Variants in DAPK2 observed in about 807,000 individuals in gnomAD.
DAPK2 encodes death-associated protein kinase 2.
DAPK2 carries 35 observed loss-of-function variants against 44.1 expected under a neutral mutation model. That is an observed-to-expected ratio of 0.79 (90% CI 0.61 to 1.05). The LOEUF is 1.05. Ranked by LOEUF, DAPK2 falls within the 50% of genes least tolerant of loss-of-function variation. The pLI is 0.00. For missense variants in DAPK2, 453 were observed against 483.2 expected, an observed-to-expected ratio of 0.94 and a Z score of 0.59; for synonymous variants, 174 against 182.6, an observed-to-expected ratio of 0.95 and a Z score of 0.38.
At chr15:63,993,622 C>G (rs771831030) in intron 1 of DAPK2, among the ~76,000 whole-genome samples, 1 of 151,902 alleles carries the variant, frequency 6.6e-6, no homozygotes, top group Non-Finnish European at 1.5e-5. Context: ...TGAAAATGCC[C>G]AAGATTGCTT....
At position 63,936,330 on chromosome 15, in the gene DAPK2, C is replaced by T. The variant is rs533761027; in HGVS notation, c.583+2902G>A. Among the ~76,000 whole-genome samples the T allele has an allele frequency of 5.3e-5, 8 of 152,172 alleles. No individual in the cohort carries two copies. In the South Asian group the frequency reaches 8.3e-4, roughly 16 times the overall value. ...GTTTAAAGATTTCTCTGGCCAGGAG[C>T]GGTGGCTCGCTGGCTCACGTCGGTA... On this transcript the variant is annotated intron_variant, in intron 4 of 10. Transcript: ENST00000261891.
intron 1 of DAPK2, among the ~76,000 whole-genome samples, chr15:64,039,812 G>A (rs981076361): frequency 1.3e-5 from 2 of 152,132 alleles, no homozygotes; most frequent in Non-Finnish European, 2.9e-5. Flanking sequence ...GGGAACCATG[G>A]AGAATCCCAA....
At chr15:64,014,782 T>C (rs1177861641) in intron 1 of DAPK2, among the ~76,000 whole-genome samples, 8 of 152,124 alleles carry the variant, frequency 5.3e-5, no homozygotes, top group Non-Finnish European at 8.8e-5. Flanking sequence ...TAGCTGGGCA[T>C]GGTGGTGGGC....
intron 1 of DAPK2, among the ~76,000 whole-genome samples, chr15:64,005,336 T>C (rs2079196665): frequency 6.6e-6 from 1 of 150,652 alleles, no homozygotes; most frequent in Non-Finnish European, 1.5e-5. Flanking sequence ...GTGTGTGAGG[T>C]TGTGTGTTTG....
rs796214666 is a variant in DAPK2, at chr15:64,013,229, T to C, written c.92+26941A>G. Among the ~76,000 whole-genome samples the C allele has an allele frequency of 2.6e-5, 4 of 152,310 alleles. No homozygotes were observed. The highest frequency in any genetic ancestry group is 9.6e-5 in the African/African-American group (4 of 41,562). On this transcript the variant is annotated intron_variant, in intron 1 of 10. Transcript: ENST00000261891. The surrounding 1 kb of genome is among the most constrained non-coding windows in gnomAD (Gnocchi z 4.7). ...TTCTGTAAAATGAGACCAGTCTAAC[T>C]CCCTTGTTCTGCATGGGATTATGGA...
Position 63,929,871 on chromosome 15 carries a change from C to A in DAPK2, c.633-294G>T, listed in dbSNP as rs955836653. ...CCTTACCACCTCGGAGCCCTTCCCC[C>A]CTTGTAAAATGAGGATAATGATAAC... On this transcript the variant is annotated intron_variant, in intron 5 of 10. Transcript: ENST00000261891. The A allele has an allele frequency of 8.7e-6, 5 of 571,856 alleles. No homozygotes were observed. In the African/African-American group the frequency reaches 9.2e-5, roughly 11 times the overall value. 35.4% of individuals were successfully genotyped at this position (571,856 alleles called of 1,614,324 possible). A position where few individuals can be genotyped will look rare whatever the true frequency, so the allele number is the denominator to read the frequency against.
intron 6 of DAPK2, 134 bp from the exon 8 acceptor site, chr15:63,926,227 G>T: frequency 1.0e-6 from 1 of 954,260 alleles, no homozygotes; most frequent in East Asian, 2.6e-5. Flanking sequence ...TGCCCCCTCT[G>T]GGCAGCCAAC....
intron 1 of DAPK2, among the ~76,000 whole-genome samples, chr15:63,986,530 T>C (rs1230498346): frequency 6.6e-6 from 1 of 152,046 alleles, no homozygotes; most frequent in Non-Finnish European, 1.5e-5. Context: ...GCTCAAGCAA[T>C]CCTCCCAACC....
intron 2 of DAPK2, among the ~76,000 whole-genome samples, chr15:63,981,507 T>C (rs1311857969): frequency 2.0e-5 from 3 of 152,204 alleles, no homozygotes; most frequent in Non-Finnish European, 2.9e-5. Flanking sequence ...AGAATTATGT[T>C]AATTGGGGAA....
chr15:63,944,460 T>G (rs1266908437), intron 3 of DAPK2, among the ~76,000 whole-genome samples: 3 of 152,230 alleles, frequency 2.0e-5, no homozygotes, highest in Non-Finnish European at 2.9e-5. Context: ...TCCTTCTTGC[T>G]GTCCCAAGCT....
chr15:63,914,193 GCCC>G (rs1475420387), intron 8 of DAPK2, among the ~76,000 whole-genome samples: 23 of 150,160 alleles, frequency 1.5e-4, no homozygotes, highest in Non-Finnish European at 2.8e-4. Flanking sequence ...CCATGGCTCT[GCCC>G]AGGAGTCAGT....
chr15:64,015,714 G>A (rs1409111271), intron 1 of DAPK2, among the ~76,000 whole-genome samples: 1 of 152,150 alleles, frequency 6.6e-6, no homozygotes, highest in Non-Finnish European at 1.5e-5. Context: ...TTAGACAGAA[G>A]AGAACTCACA....
upstream of DAPK2, among the ~76,000 whole-genome samples, chr15:64,044,262 T>C (rs2080410802): frequency 6.6e-6 from 1 of 152,182 alleles, no homozygotes; most frequent in African/African-American, 2.4e-5. Context: ...ATGGAGTCCT[T>C]GGAATTCAAA....
intron 1 of DAPK2, among the ~76,000 whole-genome samples, chr15:64,018,680 A>G (rs1205455425): frequency 6.6e-6 from 1 of 152,152 alleles, no homozygotes; most frequent in Non-Finnish European, 1.5e-5. Flanking sequence ...CAGGGCTAAC[A>G]AGGCCAGGAT....
chr15:63,998,503 C>A (rs1026549149), intron 1 of DAPK2, among the ~76,000 whole-genome samples: 4 of 152,214 alleles, frequency 2.6e-5, no homozygotes, highest in African/African-American at 4.8e-5. Flanking sequence ...GTCTCTCCTG[C>A]CAGAGGCTGG....
intron 10 of DAPK2, chr15:63,911,418 C>T (rs1213390517): frequency 1.8e-5 from 3 of 166,410 alleles, no homozygotes; most frequent in Non-Finnish European, 2.6e-5. Flanking sequence ...CCCTCTTCAC[C>T]AGTATATTCT....
intron 3 of DAPK2, among the ~76,000 whole-genome samples, chr15:63,950,091 GC>G (rs1461275129): frequency 6.6e-5 from 10 of 152,218 alleles, no homozygotes; most frequent in African/African-American, 1.9e-4. Context: ...TCCACTTCAT[GC>G]CTTCAGGTTT....
chr15:63,990,424 T>A lies in DAPK2; in HGVS notation c.93-6670A>T, dbSNP rs896825776. Among the ~76,000 whole-genome samples, 20 of 8,336 alleles carry A rather than the reference T, an allele frequency of 2.4e-3. No homozygotes were observed. The highest frequency in any genetic ancestry group is 4.1e-3 in the African/African-American group (20 of 4,862). The allele number at this position is 8,336 out of a possible 152,430, so 5.5% of individuals were successfully genotyped here. A position where few individuals can be genotyped will look rare whatever the true frequency, so the allele number is the denominator to read the frequency against. ...GCCTGGGTGACAGAGCAAGACTCCA[T>A]CTAGAAAAAGAAAAAGAAAGGTCCA... On this transcript the variant is annotated intron_variant, in intron 1 of 10. Coordinates refer to ENST00000261891, the Ensembl canonical transcript of DAPK2. This position sits in a 1 kb window ranked among gnomAD's most constrained non-coding sequence, Gnocchi z 4.3.
chr15:63,915,484 G>T (rs962501908), intron 8 of DAPK2, among the ~76,000 whole-genome samples: 15 of 152,350 alleles, frequency 9.8e-5, no homozygotes, highest in African/African-American at 3.4e-4. Flanking sequence ...AGACTCTGGG[G>T]GAGAAGAGAT....
Sources: gnomAD v4.1 joint callset for allele counts (sites outside exome capture counted in the v4.1 genomes callset) on GRCh38, gnomAD v4.1.1 for gene constraint, Gnocchi (gnomAD v3.1) non-coding constraint, MANE v1.5 for transcripts, NCBI Gene and HGNC (gene_info 2026-07-23, HGNC 2026-07-21) for gene names.